IQCH: variants seen among roughly 807,000 people sequenced by gnomAD.
The protein encoded by IQCH is IQ motif containing H.
In IQCH, 98 loss-of-function variants were observed where a neutral mutation model predicts 117.0. The ratio of observed to expected loss-of-function variants is 0.84; its 90% CI spans 0.71 to 0.99. The LOEUF is 0.99. Ranked by LOEUF, IQCH falls within the 50% of genes least tolerant of loss-of-function variation. The pLI, the probability that IQCH is intolerant of heterozygous loss-of-function variation, is 0.00. For missense variants in IQCH, 1,102 were observed against 1,243.8 expected (o/e 0.89, Z 1.72); for synonymous variants, 412 against 448.2 (o/e 0.92, Z 1.02).
At chr15:67,325,381 A>G (rs1237919670) in intron 4 of IQCH, among the ~76,000 whole-genome samples, 2 of 152,154 alleles carry the variant, frequency 1.3e-5, no homozygotes, top group Non-Finnish European at 2.9e-5. Context: ...GTATGCTTTA[A>G]ATATATGCAA....
rs956358918 is a variant in IQCH at position 67,270,999 on chromosome 15, C to T, written c.269+7783C>T. On this transcript the variant is annotated intron_variant, in intron 3 of 20. Coordinates refer to ENST00000335894, the MANE Select transcript of IQCH (RefSeq NM_001031715.3). ...CTGAGATGAATCTCACTTGAAGTCT[C>T]GCTCTGTTGCCCAGGCTGGAGTGCA... Among the ~76,000 whole-genome samples the T allele has an allele frequency of 2.6e-5, 4 of 152,148 alleles. No homozygotes were observed. In the East Asian group the frequency reaches 5.8e-4, roughly 22 times the overall value.
chr15:67,374,206 T>G (rs1042721695), intron 10 of IQCH: 1 of 152,352 alleles, frequency 6.6e-6, no homozygotes, highest in Non-Finnish European at 1.5e-5. Flanking sequence ...TTTGTTTTGT[T>G]TTGTTTTGCA....
chr15:67,362,565 G>A (rs2140755851), intron 8 of IQCH, among the ~76,000 whole-genome samples: 1 of 152,262 alleles, frequency 6.6e-6, no homozygotes. Flanking sequence ...GGCAATATGT[G>A]TGACATTAAA....
chr15:67,368,297 C>T (rs527765185), intron 8 of IQCH, among the ~76,000 whole-genome samples: 17 of 152,284 alleles, frequency 1.1e-4, no homozygotes, highest in South Asian at 1.0e-3. Context: ...TGCTGAATTC[C>T]GGACCGCTGA....
At chr15:67,324,746 C>T (rs568859146) in intron 4 of IQCH, among the ~76,000 whole-genome samples, 3 of 151,746 alleles carry the variant, frequency 2.0e-5, no homozygotes, top group African/African-American at 7.2e-5. Flanking sequence ...TTTAAAGTTC[C>T]ATTGTTTCTG....
At chr15:67,367,999 C>T (rs1970395588) in intron 8 of IQCH, among the ~76,000 whole-genome samples, 1 of 152,192 alleles carries the variant, frequency 6.6e-6, no homozygotes. Context: ...GTAAAAACCA[C>T]ATTGACTAGG....
rs1969883819 is a variant in IQCH at position 67,356,199 on chromosome 15, A to G, written c.638-1146A>G. Among the ~76,000 whole-genome samples the G allele has an allele frequency of 6.6e-6, 1 of 152,206 alleles. No individual in the cohort carries two copies. The highest frequency in any genetic ancestry group is 1.5e-5 in the Non-Finnish European group (1 of 68,042). On this transcript the variant is annotated intron_variant, in intron 6 of 20. Transcript: ENST00000335894. The surrounding 1 kb of genome is among the most constrained non-coding windows in gnomAD (Gnocchi z 5.3). Reference sequence around the variant, plus strand: ...AAAGTGGACACCAGGGAAGGAGAGCATAGAACTGAAGGCAAAAACTATACC... The same window carrying G: ...AAAGTGGACACCAGGGAAGGAGAGCGTAGAACTGAAGGCAAAAACTATACC...
intron 6 of IQCH, among the ~76,000 whole-genome samples, chr15:67,354,394 C>T (rs1176733927): frequency 6.6e-6 from 1 of 152,090 alleles, no homozygotes; most frequent in Non-Finnish European, 1.5e-5. Context: ...TACTATTCAA[C>T]ATTAATGATA....
At chr15:67,274,359 A>G (rs1966034869) in intron 3 of IQCH, among the ~76,000 whole-genome samples, 1 of 151,996 alleles carries the variant, frequency 6.6e-6, no homozygotes, top group African/African-American at 2.4e-5. Context: ...ATTCCTTTTT[A>G]TATTTTTCTT....
intron 4 of IQCH, among the ~76,000 whole-genome samples, chr15:67,296,962 TC>T: frequency 6.6e-6 from 1 of 152,186 alleles, no homozygotes; most frequent in Admixed American, 6.6e-5. Flanking sequence ...CCCTAACCCT[TC>T]TCTTATTCTC....
At chr15:67,347,891 TTATA>T (rs1008936330) in intron 6 of IQCH, among the ~76,000 whole-genome samples, 1 of 147,368 alleles carries the variant, frequency 6.8e-6, no homozygotes, top group Non-Finnish European at 1.5e-5. Context: ...ATATATATGT[TTATA>T]TATATAGAGA....
rs1475314514 is a variant in IQCH, at chr15:67,458,098, A to G, written c.2506-7029A>G. ...TCTGTTTTATCCCTAGAGCCTAGCC[A>G]TGCACATCCTCCTGATTTTACAGCT... On this transcript the variant is annotated intron_variant, in intron 16 of 20. Transcript: ENST00000335894. This position sits in a 1 kb window ranked among gnomAD's most constrained non-coding sequence, Gnocchi z 4.1. Among the ~76,000 whole-genome samples, 1 of 152,194 alleles carries G rather than the reference A, an allele frequency of 6.6e-6. No individual in the cohort carries two copies. The highest frequency in any genetic ancestry group is 1.5e-5 in the Non-Finnish European group (1 of 68,032).
chr15:67,411,128 C>T lies in IQCH; in HGVS notation c.2098-5803C>T, dbSNP rs545573856. On this transcript the variant is annotated intron_variant, in intron 14 of 20. Transcript: ENST00000335894. The surrounding 1 kb of genome is among the most constrained non-coding windows in gnomAD (Gnocchi z 4.4). The stretch of plus-strand genomic sequence containing the variant: ...AAGTGACTAAAATGTATCCTGTGCA[C>T]ACGGAGGCAGCCCTTCTAAATTCAC... Among the ~76,000 whole-genome samples, 1 of 152,284 alleles carries T rather than the reference C, an allele frequency of 6.6e-6. No individual in the cohort carries two copies. The highest frequency in any genetic ancestry group is 6.5e-5 in the Admixed American group (1 of 15,298).
intron 6 of IQCH, among the ~76,000 whole-genome samples, chr15:67,355,062 A>G (rs1404393289): frequency 6.6e-6 from 1 of 152,220 alleles, no homozygotes. Context: ...AGGATTATAG[A>G]CATACTTATA....
chr15:67,340,541 G>A (rs2140672137), intron 5 of IQCH, among the ~76,000 whole-genome samples: 2 of 148,086 alleles, frequency 1.4e-5, no homozygotes, highest in East Asian at 4.2e-4. Flanking sequence ...GTTGAATAGT[G>A]ATTTTTCTAG....
At chr15:67,428,451 T>G (rs970160998) in intron 16 of IQCH, among the ~76,000 whole-genome samples, 2 of 152,200 alleles carry the variant, frequency 1.3e-5, no homozygotes, top group Non-Finnish European at 2.9e-5. Context: ...AACATTATGT[T>G]GCATGGCAAA....
At chr15:67,325,510 C>G (rs1567097802) in intron 4 of IQCH, among the ~76,000 whole-genome samples, 2 of 151,946 alleles carry the variant, frequency 1.3e-5, no homozygotes, top group South Asian at 4.1e-4. Context: ...AACAATATAA[C>G]TATTATCTAA....
intron 5 of IQCH, 34 bp from the exon 6 acceptor site, chr15:67,344,029 A>G: frequency 6.3e-7 from 1 of 1,597,784 alleles, no homozygotes; most frequent in Non-Finnish European, 8.6e-7. Context: ...ATTGCTTGGA[A>G]TTAAACTCAC....
chr15:67,492,488 T>C (rs2083685386), intron 19 of IQCH, among the ~76,000 whole-genome samples: 1 of 152,106 alleles, frequency 6.6e-6, no homozygotes, highest in Admixed American at 6.5e-5. Context: ...GTGGAGGTCA[T>C]CCTGAGAAGC....
Sources: gnomAD v4.1 joint callset for allele counts (sites outside exome capture counted in the v4.1 genomes callset) on GRCh38, gnomAD v4.1.1 for gene constraint, Gnocchi (gnomAD v3.1) non-coding constraint, MANE v1.5 for transcripts, NCBI Gene and HGNC (gene_info 2026-07-23, HGNC 2026-07-21) for gene names.